C12orf54: variants seen among roughly 807,000 people sequenced by gnomAD.
C12orf54 encodes the protein uncharacterized protein C12orf54.
A neutral mutation model predicts 26.4 loss-of-function variants in C12orf54; 24 were observed. The observed-to-expected ratio is 0.91, with a 90% CI of 0.66 to 1.28. The LOEUF (loss-of-function observed/expected upper bound fraction) is 1.28, where lower values mean the gene tolerates loss of function less well. Ranked by LOEUF, C12orf54 falls within the 50% of genes most tolerant of loss-of-function variation. The probability of loss-of-function intolerance (pLI) is 0.00; values close to 1 mark genes in which losing one functional copy is unlikely to be tolerated. For synonymous variants in C12orf54, 54 were observed against 47.0 expected, an observed-to-expected ratio of 1.15 and a Z score of -0.61; for missense variants, 154 against 150.9, an observed-to-expected ratio of 1.02 and a Z score of -0.11.
the C12orf54 span, among the ~76,000 whole-genome samples, chr12:48,445,031 C>T: frequency 1.3e-5 from 2 of 152,050 alleles, no homozygotes; most frequent in African/African-American, 2.4e-5. Flanking sequence ...ATTAGCCAGG[C>T]GTGGTGGCTT....
the C12orf54 span, among the ~76,000 whole-genome samples, chr12:48,423,525 A>C: frequency 1.3e-5 from 2 of 152,080 alleles, no homozygotes; most frequent in African/African-American, 2.4e-5. Context: ...CATAGAAATA[A>C]AAATTATCAT....
At chr12:48,450,370 C>T in the C12orf54 span, among the ~76,000 whole-genome samples, 3 of 152,206 alleles carry the variant, frequency 2.0e-5, no homozygotes, top group East Asian at 1.9e-4. Context: ...TGAAAGCCCA[C>T]ATCAAAAAGC....
chr12:48,452,047 AC>A, the C12orf54 span, among the ~76,000 whole-genome samples: 7 of 152,216 alleles, frequency 4.6e-5, no homozygotes, highest in African/African-American at 1.4e-4. Context: ...AGCAAAAAGA[AC>A]AAAGCTGGAA....
At chr12:48,454,040 T>A in the C12orf54 span, among the ~76,000 whole-genome samples, 13 of 151,754 alleles carry the variant, frequency 8.6e-5, no homozygotes, top group African/African-American at 3.1e-4. Flanking sequence ...TCAGGGGCTC[T>A]AAATTATAGG....
the C12orf54 span, among the ~76,000 whole-genome samples, chr12:48,421,334 C>A: frequency 7.0e-5 from 4 of 57,522 alleles, no homozygotes; most frequent in Admixed American, 6.2e-4. Flanking sequence ...AGGTGCCACA[C>A]ATTTTTCAAC....
At chr12:48,469,046 T>G in the C12orf54 span, among the ~76,000 whole-genome samples, 1 of 151,930 alleles carries the variant, frequency 6.6e-6, no homozygotes, top group Non-Finnish European at 1.5e-5. Flanking sequence ...ACAAGGCAAA[T>G]GGGGGCAGAG....
At chr12:48,483,402 CTA>C in intron 2 of C12orf54, 41 bp downstream of exon 2, 1 of 1,583,330 alleles carries the variant, frequency 6.3e-7, no homozygotes, top group Middle Eastern at 1.7e-4. Context: ...CCTTAGATTG[CTA>C]TACTCTATGG....
chr12:48,475,371 A>G, the C12orf54 span, among the ~76,000 whole-genome samples: 3 of 152,238 alleles, frequency 2.0e-5, no homozygotes, highest in Admixed American at 2.0e-4. Context: ...GCTCCTCACC[A>G]GCAACAGAAC....
chr12:48,490,765 G>A (rs557608634), intron 5 of C12orf54, 47 bp from the exon 6 acceptor site: 2 of 1,609,912 alleles, frequency 1.2e-6, no homozygotes, highest in African/African-American at 2.7e-5. Flanking sequence ...CAGGTCTGCA[G>A]GAGACCAGCC....
chr12:48,474,283 G>A, the C12orf54 span, among the ~76,000 whole-genome samples: 1 of 152,180 alleles, frequency 6.6e-6, no homozygotes, highest in Non-Finnish European at 1.5e-5. Flanking sequence ...GGCCGAATGG[G>A]AACAGCTCTG....
intron 5 of C12orf54, chr12:48,489,268 T>G (rs895705053): frequency 1.9e-6 from 1 of 527,738 alleles, no homozygotes; most frequent in Admixed American, 2.4e-5. Flanking sequence ...GAGAATCCCC[T>G]AGTGATGTAG....
chr12:48,496,243 G>C lies in C12orf54; in HGVS notation c.*103G>C, dbSNP rs919858915. On this transcript the variant is annotated 3_prime_UTR_variant, in exon 9 of 9. Transcript: ENST00000548364. ...CACTGAACCCAGAAGAGAGGGTGGT[G>C]CCCATGAGTGGAGATGCCAGGGTCT... 1 of 152,622 alleles carries C rather than the reference G, an allele frequency of 6.6e-6. No homozygotes were observed. Among genetic ancestry groups the C allele is most frequent in the African/African-American group, 2.4e-5 (1 of 41,440 alleles). 9.5% of individuals were successfully genotyped at this position (152,622 alleles called of 1,614,324 possible).
the C12orf54 span, among the ~76,000 whole-genome samples, chr12:48,441,593 G>A: frequency 6.6e-6 from 1 of 152,102 alleles, no homozygotes; most frequent in Non-Finnish European, 1.5e-5. Context: ...GGGTGGAGAG[G>A]ATTTGGGGAT....
chr12:48,486,433 T>C, intron 3 of C12orf54: 1 of 623,538 alleles, frequency 1.6e-6, no homozygotes, highest in Non-Finnish European at 2.8e-6. Context: ...CTTACAGGCA[T>C]TGAAAAGATG....
At chr12:48,440,595 G>A in the C12orf54 span, among the ~76,000 whole-genome samples, 2 of 152,230 alleles carry the variant, frequency 1.3e-5, no homozygotes, top group Non-Finnish European at 2.9e-5. Context: ...AAGCGGCAGA[G>A]CTACTTGTCT....
the C12orf54 span, among the ~76,000 whole-genome samples, chr12:48,439,283 C>G: frequency 6.6e-6 from 1 of 152,184 alleles, no homozygotes; most frequent in African/African-American, 2.4e-5. Context: ...AACAGGAACA[C>G]TTTTACACTG....
intron 8 of C12orf54, 137 bp downstream of exon 8, chr12:48,495,116 A>G: frequency 1.6e-6 from 1 of 644,918 alleles, no homozygotes; most frequent in Non-Finnish European, 2.6e-6. Context: ...ACAAGGGGCA[A>G]TAGGGTGAGA....
At chr12:48,493,933 A>AAT (rs398116425) in intron 7 of C12orf54, among the ~76,000 whole-genome samples, 1 of 151,232 alleles carries the variant, frequency 6.6e-6, no homozygotes. Context: ...TAAAAAAAAA[A>AAT]TTAGGCCAGG....
chr12:48,484,267 G>A (rs1279095298), intron 2 of C12orf54, among the ~76,000 whole-genome samples: 1 of 152,228 alleles, frequency 6.6e-6, no homozygotes, highest in Non-Finnish European at 1.5e-5. Context: ...GCTCAGAATG[G>A]TTAACTGGAC....
Sources: gnomAD v4.1 joint callset for allele counts (sites outside exome capture counted in the v4.1 genomes callset) on GRCh38, gnomAD v4.1.1 for gene constraint, MANE v1.5 for transcripts, NCBI Gene and HGNC (gene_info 2026-07-23, HGNC 2026-07-21) for gene names.